The following SNTG1 variants were observed in gnomAD, a reference collection of about 807,000 sequenced individuals.
The protein encoded by SNTG1 is syntrophin gamma 1, also known as gamma-1-syntrophin.
A neutral mutation model predicts 74.7 loss-of-function variants in SNTG1; 39 were observed. The ratio of observed to expected loss-of-function variants is 0.52; its 90% CI spans 0.40 to 0.68. SNTG1 has a LOEUF of 0.68. Ranked by LOEUF, SNTG1 falls within the 30% of genes least tolerant of loss-of-function variation. The pLI is 0.00. For synonymous variants in SNTG1, 254 were observed against 217.1 expected, an observed-to-expected ratio of 1.17 and a Z score of -1.49; for missense variants, 685 against 609.5, an observed-to-expected ratio of 1.12 and a Z score of -1.30.
intron 1 of SNTG1, among the ~76,000 whole-genome samples, chr8:50,125,678 C>T (rs1220583883): frequency 9.7e-6 from 1 of 102,856 alleles, no homozygotes; most frequent in Non-Finnish European, 2.3e-5. Context: ...TGCACACTTG[C>T]TTTCCTGGGG....
At chr8:50,607,144 A>G (rs1470118578) in intron 13 of SNTG1, among the ~76,000 whole-genome samples, 1 of 151,814 alleles carries the variant, frequency 6.6e-6, no homozygotes, top group African/African-American at 2.4e-5. Flanking sequence ...TTTATTTTAC[A>G]TGTGAATATT....
chr8:50,351,345 T>G (rs2091654800), intron 2 of SNTG1, among the ~76,000 whole-genome samples: 1 of 152,158 alleles, frequency 6.6e-6, no homozygotes, highest in African/African-American at 2.4e-5. Flanking sequence ...CACTCACCAT[T>G]TGGCTACACA....
At chr8:49,978,234 C>T (rs1474659524) in intron 1 of SNTG1, among the ~76,000 whole-genome samples, 3 of 145,992 alleles carry the variant, frequency 2.1e-5, no homozygotes, top group East Asian at 4.0e-4. Flanking sequence ...ATAGAGAGAG[C>T]GGGGGAGAGA....
At chr8:50,140,127 C>G (rs2081607721) in intron 1 of SNTG1, among the ~76,000 whole-genome samples, 2 of 152,184 alleles carry the variant, frequency 1.3e-5, no homozygotes, top group South Asian at 4.1e-4. Context: ...AATAATCAAT[C>G]AACCAATAAG....
At chr8:50,239,278 T>C (rs2086060647) in intron 2 of SNTG1, among the ~76,000 whole-genome samples, 2 of 152,172 alleles carry the variant, frequency 1.3e-5, no homozygotes, top group African/African-American at 4.8e-5. Context: ...TTTAGTTCAT[T>C]CGCACACTGC....
intron 18 of SNTG1, among the ~76,000 whole-genome samples, chr8:50,785,887 G>A (rs1053387309): frequency 1.1e-4 from 17 of 151,894 alleles, no homozygotes; most frequent in South Asian, 2.1e-4. Context: ...GCAATACACC[G>A]TATTAATTGA....
chr8:50,226,164 C>T (rs558506061), intron 2 of SNTG1, among the ~76,000 whole-genome samples: 60 of 152,130 alleles, frequency 3.9e-4, no homozygotes, highest in African/African-American at 1.4e-3. Flanking sequence ...ATATTGAGGA[C>T]TAAGCTCTGA....
At chr8:50,421,836 A>G (rs1473868054) in intron 4 of SNTG1, among the ~76,000 whole-genome samples, 1 of 152,196 alleles carries the variant, frequency 6.6e-6, no homozygotes, top group Non-Finnish European at 1.5e-5. Context: ...TGAAGACTCA[A>G]CTTTTCAGTA....
intron 8 of SNTG1, among the ~76,000 whole-genome samples, chr8:50,479,090 T>C (rs2093719278): frequency 6.6e-6 from 1 of 152,170 alleles, no homozygotes; most frequent in Non-Finnish European, 1.5e-5. Context: ...TTAAATCAAT[T>C]GCCCAGGGAT....
At chr8:50,648,703 A>T (rs547472922) in intron 13 of SNTG1, among the ~76,000 whole-genome samples, 4 of 152,256 alleles carry the variant, frequency 2.6e-5, no homozygotes, top group African/African-American at 9.6e-5. Context: ...TATTGTATAT[A>T]TAGAAAGTTC....
chr8:50,012,183 C>G, intron 1 of SNTG1, among the ~76,000 whole-genome samples: 1 of 152,160 alleles, frequency 6.6e-6, no homozygotes, highest in East Asian at 1.9e-4. Context: ...TGAGCACTTA[C>G]ACCACATGAG....
At chr8:50,592,456 C>T (rs2094697882) in intron 13 of SNTG1, among the ~76,000 whole-genome samples, 1 of 152,150 alleles carries the variant, frequency 6.6e-6, no homozygotes. Flanking sequence ...ATTCTGTAAT[C>T]AATGACAACT....
intron 15 of SNTG1, among the ~76,000 whole-genome samples, chr8:50,660,412 A>AGAAAGAGAGAGAG (rs1319611981): frequency 5.7e-3 from 22 of 3,870 alleles, no homozygotes; most frequent in Non-Finnish European, 1.5e-3. Context: ...AAAGAAAGAA[A>AGAAAGAGAGAGAG]AGAAAGAAAG....
At chr8:50,028,737 TA>T (rs767441714) in intron 1 of SNTG1, among the ~76,000 whole-genome samples, 2,817 of 151,192 alleles carry the variant, frequency 0.019, 46 homozygotes, top group Non-Finnish European at 0.025. Flanking sequence ...ACTTAAAGTA[TA>T]AAAAAAAAGA....
chr8:50,025,183 T>A (rs981767739), intron 1 of SNTG1, among the ~76,000 whole-genome samples: 7 of 152,140 alleles, frequency 4.6e-5, no homozygotes, highest in Admixed American at 3.3e-4. Context: ...CATTTTTAAA[T>A]ATTATAAAAA....
intron 1 of SNTG1, among the ~76,000 whole-genome samples, chr8:49,941,711 A>T (rs1241821679): frequency 6.6e-6 from 1 of 151,918 alleles, no homozygotes; most frequent in Non-Finnish European, 1.5e-5. Flanking sequence ...GTCACATTCC[A>T]CTAGCAGATG....
chr8:50,197,814 T>TAA (rs1195257212), intron 2 of SNTG1, among the ~76,000 whole-genome samples: 20 of 152,184 alleles, frequency 1.3e-4, no homozygotes, highest in African/African-American at 4.8e-4. Context: ...CATGTCCTAG[T>TAA]ACCGTCTTCT....
chr8:50,128,303 G>A (rs763550306), intron 1 of SNTG1, among the ~76,000 whole-genome samples: 1 of 152,120 alleles, frequency 6.6e-6, no homozygotes, highest in Non-Finnish European at 1.5e-5. Context: ...GTGATTAAGA[G>A]ATAAGCAGAG....
intron 1 of SNTG1, 72 bp downstream of exon 1, chr8:49,912,303 A>G (rs1368668630): frequency 6.6e-6 from 1 of 152,236 alleles, no homozygotes; most frequent in Non-Finnish European, 1.5e-5. Flanking sequence ...CAGAAAGATC[A>G]TAAGCAGTGT....
Sources: gnomAD v4.1 joint callset for allele counts (sites outside exome capture counted in the v4.1 genomes callset) on GRCh38, gnomAD v4.1.1 for gene constraint, MANE v1.5 for transcripts, NCBI Gene and HGNC (gene_info 2026-07-23, HGNC 2026-07-21) for gene names.